The following COMMD1 variants were observed in gnomAD, a reference collection of about 807,000 sequenced individuals.
COMMD1 encodes copper metabolism domain containing 1.
A neutral mutation model predicts 17.2 loss-of-function variants in COMMD1; 10 were observed. That is an observed-to-expected ratio of 0.58 (90% CI 0.36 to 0.99). The LOEUF (loss-of-function observed/expected upper bound fraction) is 0.99. Among genes scored for constraint, COMMD1 ranks in the 50% least tolerant of loss-of-function variants. COMMD1 has a pLI of 0.01. For synonymous variants in COMMD1, 97 were observed against 91.6 expected (o/e 1.06, Z -0.34); for missense variants, 270 against 231.8 (o/e 1.17, Z -1.07).
chr2:62,071,350 C>T (rs1005713048), intron 2 of COMMD1, among the ~76,000 whole-genome samples: 1 of 152,232 alleles, frequency 6.6e-6, no homozygotes, highest in African/African-American at 2.4e-5. Context: ...TTATCACCAT[C>T]TTGGACTTGG....
intron 1 of COMMD1, among the ~76,000 whole-genome samples, chr2:61,992,641 G>A (rs1672280035): frequency 6.6e-6 from 1 of 152,204 alleles, no homozygotes; most frequent in African/African-American, 2.4e-5. Flanking sequence ...CTTGGGTATT[G>A]AAGGATGCCG....
At chr2:61,965,329 C>T (rs2103707134) in intron 1 of COMMD1, among the ~76,000 whole-genome samples, 1 of 152,190 alleles carries the variant, frequency 6.6e-6, no homozygotes, top group Middle Eastern at 3.4e-3. Flanking sequence ...TTCAAGATGG[C>T]AATTTCTGAT....
At chr2:61,975,243 T>C (rs1671770049) in intron 1 of COMMD1, among the ~76,000 whole-genome samples, 1 of 151,906 alleles carries the variant, frequency 6.6e-6, no homozygotes, top group East Asian at 1.9e-4. Context: ...TATACTCCGG[T>C]TTTATTTATC....
intron 1 of COMMD1, among the ~76,000 whole-genome samples, chr2:61,938,140 T>C (rs1362148576): frequency 6.6e-6 from 1 of 152,154 alleles, no homozygotes; most frequent in African/African-American, 2.4e-5. Context: ...AATTATTGCA[T>C]TGCCTGTCTA....
intron 2 of COMMD1, among the ~76,000 whole-genome samples, chr2:62,095,053 A>G (rs1409325275): frequency 1.3e-5 from 2 of 152,180 alleles, no homozygotes; most frequent in African/African-American, 2.4e-5. Flanking sequence ...TTCGGAACTA[A>G]TTTCCCCATA....
chr2:61,901,832 C>T (rs137995219), upstream of COMMD1, among the ~76,000 whole-genome samples: 9 of 151,980 alleles, frequency 5.9e-5, no homozygotes, highest in East Asian at 1.4e-3. Context: ...ATAGATTTGA[C>T]TCTATTTTAT....
At position 61,914,088 on chromosome 2, in the gene COMMD1, C is replaced by T. The variant is rs185085105; in HGVS notation, c.180+8230C>T. Among the ~76,000 whole-genome samples the T allele has an allele frequency of 7.5e-3, 1,140 of 151,972 alleles. 19 individuals are homozygous for T. Among genetic ancestry groups the T allele is most frequent in the African/African-American group, 0.027 (1,100 of 41,458 alleles). On this transcript the variant is annotated intron_variant, in intron 1 of 2. Coordinates refer to ENST00000311832, the MANE Select transcript of COMMD1 (RefSeq NM_152516.4). ...TTGGGAGGCTGAGGCAGGAGACTGGCGTGAACCCAGGAGGCGGAGCTTGCA... is the reference window on the plus strand; with the variant it reads ...TTGGGAGGCTGAGGCAGGAGACTGGTGTGAACCCAGGAGGCGGAGCTTGCA...
intron 1 of COMMD1, among the ~76,000 whole-genome samples, chr2:61,964,851 C>T (rs921879851): frequency 1.3e-5 from 2 of 152,194 alleles, no homozygotes; most frequent in African/African-American, 4.8e-5. Context: ...CTAGCCTGGC[C>T]AACATGGTGA....
At chr2:62,128,950 TAAAAAAAAA>T (rs5831628) in intron 2 of COMMD1, among the ~76,000 whole-genome samples, 2 of 130,372 alleles carry the variant, frequency 1.5e-5, no homozygotes, top group Non-Finnish European at 3.3e-5. Flanking sequence ...AAACTCCATC[TAAAAAAAAA>T]AAAAAAAAAA....
chr2:61,949,604 G>A (rs1013456969), intron 1 of COMMD1, among the ~76,000 whole-genome samples: 3 of 152,056 alleles, frequency 2.0e-5, no homozygotes, highest in Non-Finnish European at 4.4e-5. Context: ...AATCTTTTTT[G>A]CTGCAGGCAA....
upstream of COMMD1, among the ~76,000 whole-genome samples, chr2:61,902,500 A>G (rs916461266): frequency 2.0e-5 from 3 of 151,922 alleles, no homozygotes; most frequent in South Asian, 2.1e-4. Flanking sequence ...ACAAGAGCGA[A>G]ACTCCACCTT....
intron 2 of COMMD1, among the ~76,000 whole-genome samples, chr2:62,059,788 T>A (rs1010060010): frequency 6.6e-6 from 1 of 152,234 alleles, no homozygotes; most frequent in Non-Finnish European, 1.5e-5. Flanking sequence ...TCTTTGTATT[T>A]GAAGTGCATC....
At chr2:61,917,616 C>T (rs1336472405) in intron 1 of COMMD1, among the ~76,000 whole-genome samples, 1 of 152,038 alleles carries the variant, frequency 6.6e-6, no homozygotes, top group Admixed American at 6.6e-5. Context: ...CAAGCTCTGC[C>T]TCCCTGGTTC....
intron 2 of COMMD1, among the ~76,000 whole-genome samples, chr2:62,016,564 T>C (rs1335431968): frequency 6.6e-6 from 1 of 151,752 alleles, no homozygotes; most frequent in Non-Finnish European, 1.5e-5. Flanking sequence ...TGCACTTTTA[T>C]TGTTTTTTTT....
At chr2:62,004,064 GT>G (rs891112396) in intron 2 of COMMD1, among the ~76,000 whole-genome samples, 3 of 152,062 alleles carry the variant, frequency 2.0e-5, no homozygotes, top group Non-Finnish European at 2.9e-5. Flanking sequence ...GAAGGCGGAG[GT>G]TGCAGCAAGC....
intron 2 of COMMD1, among the ~76,000 whole-genome samples, chr2:62,092,445 TCAGAAGTC>T (rs2104000803): frequency 6.6e-6 from 1 of 152,300 alleles, no homozygotes; most frequent in East Asian, 1.9e-4. Flanking sequence ...AGAGACTGGT[TCAGAAGTC>T]CAGGGGCGGT....
chr2:62,078,580 A>G (rs1257431314), intron 2 of COMMD1, among the ~76,000 whole-genome samples: 1 of 143,508 alleles, frequency 7.0e-6, no homozygotes. Flanking sequence ...AAAAGAAAAA[A>G]TGGTGGGGCC....
At chr2:61,983,828 C>A (rs1334765249) in intron 1 of COMMD1, among the ~76,000 whole-genome samples, 1 of 152,060 alleles carries the variant, frequency 6.6e-6, no homozygotes, top group Non-Finnish European at 1.5e-5. Flanking sequence ...ATTTCAACTT[C>A]ATTATTTTTG....
intron 2 of COMMD1, among the ~76,000 whole-genome samples, chr2:62,106,660 A>G (rs1322909332): frequency 6.6e-6 from 1 of 152,244 alleles, no homozygotes; most frequent in Non-Finnish European, 1.5e-5. Context: ...AGGATTTTCA[A>G]CGTATAGACG....
Sources: allele counts gnomAD v4.1 joint callset (sites outside exome capture counted in the v4.1 genomes callset), GRCh38; gene constraint gnomAD v4.1.1; transcripts MANE v1.5; gene names NCBI Gene and HGNC (gene_info 2026-07-23, HGNC 2026-07-21).